The following MCTP1 variants were observed in gnomAD, a reference collection of about 807,000 sequenced individuals.
The protein encoded by MCTP1 is multiple C2 and transmembrane domain-containing protein 1.
Under a neutral mutation model 120.6 loss-of-function variants are expected in MCTP1, and 69 were observed. The observed-to-expected ratio is 0.57, with a 90% CI of 0.47 to 0.70. The LOEUF is 0.70. Ranked by LOEUF, MCTP1 falls within the 30% of genes least tolerant of loss-of-function variation. The pLI is 0.00. For synonymous variants in MCTP1, 529 were observed against 493.1 expected (o/e 1.07, Z -0.96); for missense variants, 1,203 against 1,248.8 (o/e 0.96, Z 0.55).
At chr5:94,900,150 T>C (rs1053829932) in intron 10 of MCTP1, among the ~76,000 whole-genome samples, 2 of 152,158 alleles carry the variant, frequency 1.3e-5, no homozygotes, top group African/African-American at 4.8e-5. Flanking sequence ...AGCCTTATAA[T>C]CCTCCCAACA....
At chr5:95,056,957 G>A (rs1037113897) in intron 1 of MCTP1, among the ~76,000 whole-genome samples, 1 of 152,000 alleles carries the variant, frequency 6.6e-6, no homozygotes, top group Non-Finnish European at 1.5e-5. Context: ...AGAGAAATAT[G>A]TAGTATGATT....
At chr5:95,086,747 A>G (rs1299854778) in intron 1 of MCTP1, among the ~76,000 whole-genome samples, 2 of 152,226 alleles carry the variant, frequency 1.3e-5, no homozygotes, top group Admixed American at 1.3e-4. Context: ...ACAATCAATG[A>G]TCCAATCACA....
At chr5:94,892,977 A>C (rs1473064792) in intron 11 of MCTP1, among the ~76,000 whole-genome samples, 1 of 152,194 alleles carries the variant, frequency 6.6e-6, no homozygotes, top group Admixed American at 6.5e-5. Flanking sequence ...GTTTCGTAGC[A>C]GGTATGTCTC....
chr5:95,101,779 G>GA (rs1297667422), intron 1 of MCTP1, among the ~76,000 whole-genome samples: 1 of 152,202 alleles, frequency 6.6e-6, no homozygotes, highest in Non-Finnish European at 1.5e-5. Context: ...AGAATGAAAT[G>GA]AAGAACCTGA....
intron 1 of MCTP1, among the ~76,000 whole-genome samples, chr5:95,210,372 T>C (rs1359190243): frequency 2.7e-5 from 4 of 150,744 alleles, no homozygotes; most frequent in Non-Finnish European, 5.9e-5. Context: ...ATTGGGTGCA[T>C]ATATATTTAG....
intron 1 of MCTP1, among the ~76,000 whole-genome samples, chr5:95,167,008 C>T (rs162476): frequency 0.31 from 46,963 of 149,588 alleles, 7,688 homozygotes; most frequent in East Asian, 0.61. Context: ...TGTTGGTGTG[C>T]TGCACCCATT....
chr5:95,274,622 C>CTTTT (rs1562295236), intron 1 of MCTP1, among the ~76,000 whole-genome samples: 7 of 35,018 alleles, frequency 2.0e-4, no homozygotes, highest in South Asian at 1.0e-3. Flanking sequence ...CCAATTACTG[C>CTTTT]TTTCTTTTTT....
At chr5:95,197,055 T>A (rs1281991505) in intron 1 of MCTP1, among the ~76,000 whole-genome samples, 1 of 152,226 alleles carries the variant, frequency 6.6e-6, no homozygotes, top group Non-Finnish European at 1.5e-5. Flanking sequence ...ATTGGGTATC[T>A]GATCATCGTA....
intron 3 of MCTP1, among the ~76,000 whole-genome samples, chr5:94,946,819 T>C (rs1168935470): frequency 6.6e-6 from 1 of 152,196 alleles, no homozygotes; most frequent in African/African-American, 2.4e-5. Flanking sequence ...CACGTGGACA[T>C]TCCCTTAAAT....
chr5:94,913,202 A>G (rs942323700), intron 8 of MCTP1, among the ~76,000 whole-genome samples: 1 of 152,154 alleles, frequency 6.6e-6, no homozygotes, highest in South Asian at 2.1e-4. Flanking sequence ...AGTGTTCAAA[A>G]TACAGTCTAG....
At chr5:95,131,016 C>G (rs1759002369) in intron 1 of MCTP1, among the ~76,000 whole-genome samples, 1 of 152,064 alleles carries the variant, frequency 6.6e-6, no homozygotes, top group Non-Finnish European at 1.5e-5. Context: ...TTAATCTAAC[C>G]CATGCTTAAA....
chr5:94,996,008 TG>T (rs1249688223), intron 2 of MCTP1, among the ~76,000 whole-genome samples: 1 of 152,216 alleles, frequency 6.6e-6, no homozygotes, highest in Admixed American at 6.6e-5. Context: ...TTATTCTTTT[TG>T]GTTCACTTAA....
At chr5:94,820,667 G>A (rs1168737441) in intron 17 of MCTP1, among the ~76,000 whole-genome samples, 1 of 152,102 alleles carries the variant, frequency 6.6e-6, no homozygotes, top group African/African-American at 2.4e-5. Context: ...GTCCCTAATT[G>A]GCAACAGAAT....
At chr5:95,053,245 A>G (rs1270516568) in intron 1 of MCTP1, among the ~76,000 whole-genome samples, 2 of 152,222 alleles carry the variant, frequency 1.3e-5, no homozygotes, top group South Asian at 4.1e-4. Flanking sequence ...AAATAAGCAT[A>G]TCTCCACCCC....
intron 17 of MCTP1, among the ~76,000 whole-genome samples, chr5:94,842,236 T>A (rs2153202543): frequency 6.6e-6 from 1 of 152,312 alleles, no homozygotes; most frequent in South Asian, 2.1e-4. Flanking sequence ...TAAAAGGTGC[T>A]AAGGTCTTTT....
At chr5:94,709,439 G>T (rs1390973418) in intron 21 of MCTP1, 1 of 152,040 alleles carries the variant, frequency 6.6e-6, no homozygotes. Context: ...TACACAGCTA[G>T]ATGTCTGCCC....
intron 17 of MCTP1, among the ~76,000 whole-genome samples, chr5:94,846,981 C>A (rs928600374): frequency 6.6e-6 from 1 of 152,296 alleles, no homozygotes; most frequent in African/African-American, 2.4e-5. Flanking sequence ...CCCATTCCCA[C>A]CCTACAGCAT....
chr5:95,147,327 C>G (rs764691335), intron 1 of MCTP1, among the ~76,000 whole-genome samples: 7 of 152,170 alleles, frequency 4.6e-5, no homozygotes, highest in Non-Finnish European at 1.0e-4. Context: ...ACCTCGTGAT[C>G]CACCTGCCTC....
At chr5:94,909,214 C>T (rs912691112) in intron 10 of MCTP1, 37 bp downstream of exon 10, 6 of 1,606,818 alleles carry the variant, frequency 3.7e-6, no homozygotes, top group Non-Finnish European at 3.4e-6. Context: ...AATAAAAATG[C>T]TCTAGGAGTG....
Sources: gnomAD v4.1 joint callset for allele counts (sites outside exome capture counted in the v4.1 genomes callset) on GRCh38, gnomAD v4.1.1 for gene constraint, MANE v1.5 for transcripts, NCBI Gene and HGNC (gene_info 2026-07-23, HGNC 2026-07-21) for gene names.